RAB40C: variants seen among roughly 807,000 people sequenced by gnomAD.
RAB40C encodes the protein RAB40C, member RAS oncogene family, also known as ras-related protein Rab-40C.
Under a neutral mutation model 28.1 loss-of-function variants are expected in RAB40C, and 8 were observed. The observed-to-expected ratio is 0.28, with a 90% CI of 0.17 to 0.51. RAB40C has a LOEUF of 0.51. Among genes scored for constraint, RAB40C ranks in the 20% least tolerant of loss-of-function variants. The pLI is 0.97. For synonymous variants in RAB40C, 201 were observed against 171.7 expected (o/e 1.17, Z -1.34); for missense variants, 288 against 405.9 (o/e 0.71, Z 2.50).
Position 622,484 on chromosome 16 carries a change from C to G in RAB40C, c.265-2948C>G, listed in dbSNP as rs116141445. The stretch of plus-strand genomic sequence containing the variant: ...AGAGCAGGGCGAGCGCGCGTCCTGA[C>G]TCATCCCCTAGAGCACTCGCTCGTT... On this transcript the variant is annotated intron_variant, in intron 3 of 5. Transcript: ENST00000248139. Among the ~76,000 whole-genome samples the G allele has an allele frequency of 6.4e-3, 969 of 152,332 alleles. 8 individuals are homozygous for G. The highest frequency in any genetic ancestry group is 0.022 in the African/African-American group (918 of 41,578).
chr16:606,987 C>A (rs1204917829), intron 1 of RAB40C, among the ~76,000 whole-genome samples: 1 of 152,224 alleles, frequency 6.6e-6, no homozygotes, highest in Admixed American at 6.5e-5. Context: ...GGCAGGCCGG[C>A]CCAGACAGAC....
At chr16:602,433 A>ATTTTTTTTTTTTTTTTTTTTTTTTTTT (rs1555454853) in intron 1 of RAB40C, among the ~76,000 whole-genome samples, 1 of 151,302 alleles carries the variant, frequency 6.6e-6, no homozygotes, top group Non-Finnish European at 1.5e-5. Context: ...TTTTTAATAA[A>ATTTTTTTTTTTTTTTTTTTTTTTTTTT]TTATTTTTTT....
intron 3 of RAB40C, among the ~76,000 whole-genome samples, chr16:623,450 C>G (rs923706625): frequency 2.6e-5 from 4 of 151,084 alleles, no homozygotes; most frequent in Non-Finnish European, 5.9e-5. Context: ...GAGATCAAGA[C>G]CATCCTGGCT....
At chr16:602,779 C>T (rs1280677737) in intron 1 of RAB40C, among the ~76,000 whole-genome samples, 1 of 152,136 alleles carries the variant, frequency 6.6e-6, no homozygotes, top group Non-Finnish European at 1.5e-5. Context: ...GTTGCCTAGG[C>T]TAGTGGTCTT....
intron 1 of RAB40C, among the ~76,000 whole-genome samples, chr16:595,602 T>G (rs1464084251): frequency 2.8e-5 from 4 of 145,070 alleles, no homozygotes; most frequent in Non-Finnish European, 6.1e-5. Flanking sequence ...ACTTTTTTCT[T>G]CTTTTTTTTT....
At chr16:602,612 T>A (rs2036276939) in intron 1 of RAB40C, among the ~76,000 whole-genome samples, 3 of 151,984 alleles carry the variant, frequency 2.0e-5, no homozygotes, top group Non-Finnish European at 4.4e-5. Context: ...GGTATTTTTT[T>A]AGTAGAGATG....
chr16:613,187 GCCCTCA>G (rs1173253866), intron 1 of RAB40C, among the ~76,000 whole-genome samples: 17 of 139,904 alleles, frequency 1.2e-4, no homozygotes, highest in South Asian at 2.4e-4. Context: ...AGGGACAGCC[GCCCTCA>G]CCTGTAGAAT....
chr16:615,347 C>T (rs915647633), intron 1 of RAB40C, among the ~76,000 whole-genome samples: 7 of 152,206 alleles, frequency 4.6e-5, no homozygotes, highest in African/African-American at 1.4e-4. Flanking sequence ...GGGCTGGGCC[C>T]GCACGGAGAG....
chr16:596,513 C>T (rs888074106), intron 1 of RAB40C: 9 of 339,888 alleles, frequency 2.6e-5, no homozygotes, highest in South Asian at 4.3e-5. Flanking sequence ...GGGTGTCATC[C>T]GCCGGGCGTT....
At position 626,418 on chromosome 16, in the gene RAB40C, T is replaced by G. The variant is rs918609891; in HGVS notation, c.565+297T>G. On this transcript the variant is annotated intron_variant, in intron 5 of 5. Coordinates refer to ENST00000248139, the MANE Select transcript of RAB40C (RefSeq NM_021168.5). The stretch of plus-strand genomic sequence containing the variant: ...CATTGCTGGTGTGGGCAGTGTGTGC[T>G]CGCTCCTTCCTGGTTCCGGGGCTGG... 2.6e-5 allele frequency among the ~76,000 whole-genome samples: 4 copies of G among 152,096 alleles called. No individual in the cohort carries two copies. The East Asian group carries it at 7.7e-4, about 29-fold the overall frequency.
intron 3 of RAB40C, among the ~76,000 whole-genome samples, chr16:621,739 G>A (rs1042435457): frequency 6.6e-6 from 1 of 152,220 alleles, no homozygotes; most frequent in East Asian, 1.9e-4. Context: ...TGTGGCTGAC[G>A]GGATGTGCCA....
chr16:602,637 C>T (rs957869445), intron 1 of RAB40C, among the ~76,000 whole-genome samples: 5 of 151,976 alleles, frequency 3.3e-5, no homozygotes, highest in Non-Finnish European at 7.4e-5. Context: ...TTCACCATGT[C>T]GGCCAGGCTG....
rs2036822187 is a variant in RAB40C at position 626,003 on chromosome 16, C to T, written c.447C>T (p.Cys149=). 1.2e-6 allele frequency: 2 copies of T among 1,613,364 alleles called. No individual in the cohort carries two copies. The highest frequency in any genetic ancestry group is 2.2e-5 in the East Asian group (1 of 44,878). The change falls in exon 5 of 6, where the codon TGC becomes TGT. Residue 149 remains cysteine (C), a synonymous_variant. Coordinates refer to ENST00000248139, the MANE Select transcript of RAB40C (RefSeq NM_021168.5). The part of the protein sequence containing the change: ...EQARAYAEKN[C]MTFFEVSPLC... ...CCCGCGCGTACGCAGAGAAGAACTG[C>T]ATGACCTTCTTTGAGGTCAGCCCCC...
In RAB40C at chr16:628,251, G is replaced by A. The variant is rs2036882832; in HGVS notation, c.*629G>A. The A allele has an allele frequency of 6.6e-6, 1 of 152,102 alleles. No individual in the cohort carries two copies. Among genetic ancestry groups the A allele is most frequent in the Non-Finnish European group, 1.5e-5 (1 of 67,940 alleles). The allele number at this position is 152,102 out of a possible 1,614,324, so 9.4% of individuals were successfully genotyped here. A position where few individuals can be genotyped will look rare whatever the true frequency, so the allele number is the denominator to read the frequency against. ...GCAGCACTCAGGAGAGGGGAGAAAG[G>A]AGGTGCACCTGGCAGCCCACATTTT... On this transcript the variant is annotated 3_prime_UTR_variant, in exon 6 of 6. Transcript: ENST00000248139.
At chr16:624,402 G>T in intron 3 of RAB40C, 1 of 985,452 alleles carries the variant, frequency 1.0e-6, no homozygotes, top group Non-Finnish European at 1.2e-6. Context: ...GCCATCTCTG[G>T]CCTCGAAGGG....
At chr16:618,159 G>A in intron 2 of RAB40C, 41 bp from the exon 3 acceptor site, 6 of 1,596,474 alleles carry the variant, frequency 3.8e-6, no homozygotes, top group Non-Finnish European at 5.1e-6. Flanking sequence ...GCCTCTCACA[G>A]GGACCACAGT....
At position 590,238 on chromosome 16, in the gene RAB40C, C is replaced by G. The variant is rs2035960401; in HGVS notation, c.-54C>G. The G allele has an allele frequency of 8.3e-6, 11 of 1,321,490 alleles. No individual in the cohort carries two copies. In the South Asian group the frequency reaches 2.0e-4, roughly 24 times the overall value. 81.9% of individuals were successfully genotyped at this position (1,321,490 alleles called of 1,614,324 possible). Reference sequence around the variant, plus strand: ...GGCGCGGGCTCTCTCACGCCGCGGCCTCACCCGGCGGTGCTTCGGCAGGCG... The same window carrying G: ...GGCGCGGGCTCTCTCACGCCGCGGCGTCACCCGGCGGTGCTTCGGCAGGCG... On this transcript the variant is annotated 5_prime_UTR_variant, in exon 1 of 6. Transcript: ENST00000248139.
At position 590,218 on chromosome 16, in the gene RAB40C, G is replaced by A; in HGVS notation, c.-74G>A. 1.7e-6 allele frequency: 2 copies of A among 1,153,058 alleles called. No individual in the cohort carries two copies. The highest frequency in any genetic ancestry group is 2.2e-6 in the Non-Finnish European group (2 of 923,358). The allele number at this position is 1,153,058 out of a possible 1,614,324, so 71.4% of individuals were successfully genotyped here. On this transcript the variant is annotated 5_prime_UTR_variant, in exon 1 of 6. Transcript: ENST00000248139. ...CGCAACGGGCGCAGGTGCGGGGCGC[G>A]GGCTCTCTCACGCCGCGGCCTCACC...
chr16:626,470 C>T (rs1482250272), intron 5 of RAB40C, among the ~76,000 whole-genome samples: 2 of 152,274 alleles, frequency 1.3e-5, no homozygotes, highest in African/African-American at 4.8e-5. Flanking sequence ...GCACAGGAGC[C>T]GTGCCTGCAG....
Sources: allele counts gnomAD v4.1 joint callset (sites outside exome capture counted in the v4.1 genomes callset), GRCh38; gene constraint gnomAD v4.1.1; transcripts MANE v1.5; gene names NCBI Gene and HGNC (gene_info 2026-07-23, HGNC 2026-07-21).